The following LMBR1 variants were observed in gnomAD, a reference collection of about 807,000 sequenced individuals.
The protein encoded by LMBR1 is limb region 1 protein homolog.
LMBR1 carries 52 observed loss-of-function variants against 73.9 expected under a neutral mutation model. That is an observed-to-expected ratio of 0.70 (90% confidence interval 0.56 to 0.89). The LOEUF is 0.89. Among genes scored for constraint, LMBR1 ranks in the 40% least tolerant of loss-of-function variants. The pLI, the probability that LMBR1 is intolerant of heterozygous loss-of-function variation, is 0.00. For missense variants in LMBR1, 539 were observed against 579.8 expected, an observed-to-expected ratio of 0.93 and a Z score of 0.72; for synonymous variants, 215 against 209.4, an observed-to-expected ratio of 1.03 and a Z score of -0.23.
At chr7:156,755,782 C>T (rs763675129) in intron 9 of LMBR1, among the ~76,000 whole-genome samples, 7 of 152,008 alleles carry the variant, frequency 4.6e-5, no homozygotes, top group Admixed American at 4.6e-4. Context: ...ATTCCTGGAT[C>T]GAAGGAAAAA....
intron 1 of LMBR1, among the ~76,000 whole-genome samples, chr7:156,852,385 T>C (rs1365708461): frequency 1.3e-5 from 2 of 152,206 alleles, no homozygotes; most frequent in South Asian, 2.1e-4. Context: ...AGATTGCTTA[T>C]GGAAAATACT....
At chr7:156,833,583 G>GTGCTAA in intron 3 of LMBR1, 170 bp downstream of exon 3, 1 of 572,384 alleles carries the variant, frequency 1.7e-6, no homozygotes, top group South Asian at 2.2e-5. Context: ...TAGGAGATTG[G>GTGCTAA]ATTATCCACA....
chr7:156,845,698 G>A (rs1839470641), intron 1 of LMBR1, among the ~76,000 whole-genome samples: 1 of 151,880 alleles, frequency 6.6e-6, no homozygotes, highest in Non-Finnish European at 1.5e-5. Flanking sequence ...CACCTAGGCT[G>A]AAGCGCAGTG....
chr7:156,833,559 T>G, intron 3 of LMBR1, 194 bp downstream of exon 3: 2 of 543,942 alleles, frequency 3.7e-6, no homozygotes, highest in African/African-American at 2.1e-5. Context: ...GCTCCTTAAA[T>G]ATGCAAATTC....
Position 156,842,325 on chromosome 7 carries a change from G to A in LMBR1, c.67-5440C>T, listed in dbSNP as rs543786710. Among the ~76,000 whole-genome samples the A allele has an allele frequency of 7.1e-4, 104 of 146,826 alleles. 7 individuals carry two copies. The highest frequency in any genetic ancestry group is 1.2e-3 in the Non-Finnish European group (79 of 65,334). ...CTACCTTTTAAGCATTTTGTGGGGC[G>A]GGGGGAGATTTGTACAGGGGGAAGC... On this transcript the variant is annotated intron_variant, in intron 1 of 16. Transcript: ENST00000353442.
chr7:156,727,862 G>T, intron 12 of LMBR1, 68 bp downstream of exon 12: 1 of 1,057,244 alleles, frequency 9.5e-7, no homozygotes, highest in African/African-American at 1.6e-5. Context: ...TTGCTTACTT[G>T]AAATACTCAG....
chr7:156,696,684 C>T (rs1002022774), intron 15 of LMBR1, among the ~76,000 whole-genome samples: 6 of 152,140 alleles, frequency 3.9e-5, no homozygotes, highest in African/African-American at 1.4e-4. Flanking sequence ...GAAAGACCTG[C>T]CCCCATGATT....
At chr7:156,847,312 T>A (rs1795631346) in intron 1 of LMBR1, among the ~76,000 whole-genome samples, 1 of 152,048 alleles carries the variant, frequency 6.6e-6, no homozygotes, top group African/African-American at 2.4e-5. Context: ...CAAACCTAAA[T>A]GCAAAACACA....
rs2133821162 is a variant in LMBR1, at chr7:156,826,763, A to G, written c.180-19T>C. 6.3e-7 allele frequency: 1 copy of G among 1,599,666 alleles called. No individual in the cohort carries two copies. The highest frequency in any genetic ancestry group is 1.7e-4 in the Middle Eastern group (1 of 6,006). On this transcript the variant is annotated intron_variant, in intron 3 of 16. Coordinates refer to ENST00000353442, the MANE Select transcript of LMBR1 (RefSeq NM_022458.4). ...AAACAACCTGGAAGAAAGGAGAGTC[A>G]CCATCACAAGTGATCTGAAAAAGCA...
At chr7:156,783,998 GTT>G (rs59262090) in intron 5 of LMBR1, among the ~76,000 whole-genome samples, 1 of 135,970 alleles carries the variant, frequency 7.4e-6, no homozygotes, top group Non-Finnish European at 1.6e-5. Context: ...GTTTTTTTCT[GTT>G]TTTTTTTTTT....
chr7:156,864,512 T>G (rs956217178), intron 1 of LMBR1, among the ~76,000 whole-genome samples: 3 of 152,196 alleles, frequency 2.0e-5, no homozygotes, highest in Non-Finnish European at 4.4e-5. Flanking sequence ...AGGTTACGAA[T>G]GAAGACTCAA....
At chr7:156,891,214 ATATATATAT>A (rs1563643753) in intron 1 of LMBR1, among the ~76,000 whole-genome samples, 3 of 49,710 alleles carry the variant, frequency 6.0e-5, no homozygotes, top group East Asian at 5.7e-4. Context: ...AAAAAAAAAT[ATATATATAT>A]ATATATATAT....
Position 156,681,206 on chromosome 7 carries a change from T to C in LMBR1, c.*2872A>G. 2.2e-6 allele frequency: 1 copy of C among 453,138 alleles called. No homozygotes were observed. Among genetic ancestry groups the C allele is most frequent in the Non-Finnish European group, 4.4e-6 (1 of 225,972 alleles). 28.1% of individuals were successfully genotyped at this position (453,138 alleles called of 1,614,324 possible). A position where few individuals can be genotyped will look rare whatever the true frequency, so the allele number is the denominator to read the frequency against. On this transcript the variant is annotated 3_prime_UTR_variant, in exon 17 of 17. Transcript: ENST00000353442. ...TGTCCCTGGCAGACGAGGTCATCAC[T>C]GAGGCTGCAGGGAGGGCCATGGGCA...
At chr7:156,712,276 A>G (rs917510852) in intron 15 of LMBR1, among the ~76,000 whole-genome samples, 6 of 152,224 alleles carry the variant, frequency 3.9e-5, no homozygotes, top group African/African-American at 1.4e-4. Flanking sequence ...CCACATCACT[A>G]ATCAGAGAAA....
intron 15 of LMBR1, among the ~76,000 whole-genome samples, chr7:156,708,320 A>C (rs1811396334): frequency 2.6e-5 from 4 of 152,254 alleles, no homozygotes; most frequent in African/African-American, 9.6e-5. Flanking sequence ...CTGAGTTCCC[A>C]GTGTGTGAGG....
chr7:156,707,397 T>C (rs1034135433), intron 15 of LMBR1, among the ~76,000 whole-genome samples: 1 of 152,118 alleles, frequency 6.6e-6, no homozygotes, highest in African/African-American at 2.4e-5. Flanking sequence ...GAGGCCCAAA[T>C]CACTCTGATA....
intron 9 of LMBR1, among the ~76,000 whole-genome samples, chr7:156,738,161 T>C (rs967303302): frequency 6.6e-6 from 1 of 152,076 alleles, no homozygotes; most frequent in African/African-American, 2.4e-5. Context: ...AGAGAGAATC[T>C]GTGTACTTGG....
chr7:156,676,818 T>A (rs1241706733), downstream of LMBR1: 5 of 598,348 alleles, frequency 8.4e-6, no homozygotes, highest in East Asian at 1.1e-4. Context: ...AAAGCTGACA[T>A]CCCACCTAAT....
intron 1 of LMBR1, among the ~76,000 whole-genome samples, chr7:156,873,052 G>A (rs1242357686): frequency 6.6e-6 from 1 of 151,136 alleles, no homozygotes; most frequent in Non-Finnish European, 1.5e-5. Context: ...TCCCTTCGTG[G>A]TCGCCAAAAT....
Sources: gnomAD v4.1 joint callset for allele counts (sites outside exome capture counted in the v4.1 genomes callset) on GRCh38, gnomAD v4.1.1 for gene constraint, MANE v1.5 for transcripts, NCBI Gene and HGNC (gene_info 2026-07-23, HGNC 2026-07-21) for gene names.